Variants in UMAD1 observed in about 807,000 individuals in gnomAD.
The protein encoded by UMAD1 is UBAP1-MVB12-associated (UMA) domain containing 1, also known as UBAP1-MVB12-associated (UMA)-domain containing protein 1.
A neutral mutation model predicts 6.1 loss-of-function variants in UMAD1; 8 were observed. The observed-to-expected ratio is 1.30, with a 90% CI of 0.76 to 2.35. The LOEUF is 2.35. UMAD1 is among the 30% of genes most tolerant of loss of function. The probability of loss-of-function intolerance (pLI) is 0.00; values close to 1 mark genes in which losing one functional copy is unlikely to be tolerated. For missense variants in UMAD1, 130 were observed against 78.4 expected, an observed-to-expected ratio of 1.66 and a Z score of -2.49; for synonymous variants, 56 against 31.4, an observed-to-expected ratio of 1.78 and a Z score of -2.61.
chr7:7,801,565 G>T (rs1030969976), intron 2 of UMAD1, 105 bp from the exon 3 acceptor site: 5 of 618,708 alleles, frequency 8.1e-6, no homozygotes, highest in African/African-American at 7.4e-5. Context: ...TTTCTTCCAT[G>T]ATGTGAAACA....
intron 3 of UMAD1, among the ~76,000 whole-genome samples, chr7:7,846,536 A>G (rs1357306224): frequency 1.3e-5 from 2 of 152,160 alleles, no homozygotes; most frequent in African/African-American, 4.8e-5. Context: ...TAAACAGATG[A>G]TACTATCTTA....
chr7:7,740,323 G>A (rs777664543), intron 2 of UMAD1, among the ~76,000 whole-genome samples: 3 of 152,110 alleles, frequency 2.0e-5, no homozygotes, highest in African/African-American at 4.8e-5. Flanking sequence ...TATCCTTTGC[G>A]ATAACCTTAA....
At chr7:7,771,479 G>C (rs1782100383) in intron 2 of UMAD1, among the ~76,000 whole-genome samples, 1 of 152,184 alleles carries the variant, frequency 6.6e-6, no homozygotes. Context: ...TTTGATTGCT[G>C]TCAGGTGTGA....
chr7:7,678,363 C>T (rs111643520), intron 2 of UMAD1, among the ~76,000 whole-genome samples: 2 of 146,664 alleles, frequency 1.4e-5, no homozygotes, highest in Admixed American at 6.9e-5. Flanking sequence ...TTTTAATATG[C>T]CTATTGGTCA....
At chr7:7,850,020 T>G (rs1399189175) in intron 3 of UMAD1, among the ~76,000 whole-genome samples, 1 of 152,162 alleles carries the variant, frequency 6.6e-6, no homozygotes, top group Non-Finnish European at 1.5e-5. Context: ...TTGATGATGT[T>G]GTAGGGAAAA....
intron 1 of UMAD1, among the ~76,000 whole-genome samples, chr7:7,667,432 A>T (rs557205654): frequency 1.4e-4 from 21 of 152,316 alleles, no homozygotes; most frequent in African/African-American, 4.8e-4. Flanking sequence ...GGCTTGGGGC[A>T]GCAGGATTAT....
chr7:7,790,813 C>A (rs762898418), intron 2 of UMAD1, among the ~76,000 whole-genome samples: 1 of 152,190 alleles, frequency 6.6e-6, no homozygotes, highest in Admixed American at 6.5e-5. Context: ...ATCTAGTTAT[C>A]ACATTGTGCT....
intron 1 of UMAD1, among the ~76,000 whole-genome samples, chr7:7,644,875 A>G (rs1366457137): frequency 6.6e-6 from 1 of 152,206 alleles, no homozygotes; most frequent in African/African-American, 2.4e-5. Flanking sequence ...ATTTTGATCA[A>G]AATTGCACTG....
intron 2 of UMAD1, among the ~76,000 whole-genome samples, chr7:7,679,898 C>T (rs1416488314): frequency 6.6e-6 from 1 of 151,338 alleles, no homozygotes; most frequent in Non-Finnish European, 1.5e-5. Flanking sequence ...TTTATTTTTT[C>T]CTGTTGAGTT....
chr7:7,755,513 G>A (rs1781760370), intron 2 of UMAD1, among the ~76,000 whole-genome samples: 1 of 152,122 alleles, frequency 6.6e-6, no homozygotes, highest in Non-Finnish European at 1.5e-5. Context: ...ACATCTGGTG[G>A]CACTTTTTAA....
chr7:7,756,159 G>A (rs914433621), intron 2 of UMAD1, among the ~76,000 whole-genome samples: 6 of 152,248 alleles, frequency 3.9e-5, no homozygotes, highest in Middle Eastern at 6.8e-3. Flanking sequence ...GGGTAAAGAC[G>A]GTTGTTGGAA....
At chr7:7,733,627 C>T (rs1450240855) in intron 2 of UMAD1, among the ~76,000 whole-genome samples, 1 of 147,544 alleles carries the variant, frequency 6.8e-6, no homozygotes, top group African/African-American at 2.5e-5. Flanking sequence ...TTATCCCAGG[C>T]CAGTTTTTAA....
chr7:7,670,390 T>C (rs1284916725), intron 1 of UMAD1, among the ~76,000 whole-genome samples: 1 of 152,186 alleles, frequency 6.6e-6, no homozygotes, highest in Non-Finnish European at 1.5e-5. Flanking sequence ...TCTAATGGCA[T>C]GTGGCACAGT....
rs557000350 is a variant in UMAD1, at chr7:7,746,387, AT to A, written c.83-55279del. On this transcript the variant is annotated intron_variant, in intron 2 of 3. Coordinates refer to ENST00000682710, the MANE Select transcript of UMAD1 (RefSeq NM_001302348.2). ...GAGTTGAAGGCAAAGAAAATATACA[AT>A]TTTATAATTGCATTTTAGACTATTT... 3.0e-3 allele frequency among the ~76,000 whole-genome samples: 464 copies of A among 152,322 alleles called. 4 individuals are homozygous for A. The highest frequency in any genetic ancestry group is 0.011 in the African/African-American group (445 of 41,574).
intron 3 of UMAD1, among the ~76,000 whole-genome samples, chr7:7,802,527 A>G (rs1217559448): frequency 6.6e-6 from 1 of 152,254 alleles, no homozygotes; most frequent in East Asian, 1.9e-4. Flanking sequence ...TTACATGAAA[A>G]TGTAGTTAGG....
intron 2 of UMAD1, among the ~76,000 whole-genome samples, chr7:7,709,174 TTGAC>T (rs2115166928): frequency 6.6e-6 from 1 of 152,342 alleles, no homozygotes; most frequent in South Asian, 2.1e-4. Flanking sequence ...TTGTTTGAAA[TTGAC>T]TGTCTTTGTT....
At chr7:7,727,479 T>C (rs182869526) in intron 2 of UMAD1, among the ~76,000 whole-genome samples, 162 of 152,340 alleles carry the variant, frequency 1.1e-3, no homozygotes, top group Non-Finnish European at 1.6e-3. Context: ...TGAGTTCAAG[T>C]TGACAAGGAG....
intron 2 of UMAD1, among the ~76,000 whole-genome samples, chr7:7,779,014 A>C (rs542941864): frequency 6.6e-6 from 1 of 152,178 alleles, no homozygotes; most frequent in African/African-American, 2.4e-5. Flanking sequence ...CAGATAGGGA[A>C]ACTCAGGCAC....
At chr7:7,711,228 T>G (rs1249937568) in intron 2 of UMAD1, among the ~76,000 whole-genome samples, 3 of 152,202 alleles carry the variant, frequency 2.0e-5, no homozygotes, top group Non-Finnish European at 4.4e-5. Context: ...TCCATATAAT[T>G]TCTCCAATCT....
Sources: allele counts gnomAD v4.1 joint callset (sites outside exome capture counted in the v4.1 genomes callset), GRCh38; gene constraint gnomAD v4.1.1; transcripts MANE v1.5; gene names NCBI Gene and HGNC (gene_info 2026-07-23, HGNC 2026-07-21).